The following CNTNAP2 variants were observed in gnomAD, a reference collection of about 807,000 sequenced individuals.
CNTNAP2 encodes contactin associated protein 2, also known as contactin-associated protein-like 2.
In CNTNAP2, 98 loss-of-function variants were observed where a neutral mutation model predicts 155.2. The observed-to-expected ratio is 0.63, with a 90% CI of 0.54 to 0.75. The LOEUF (loss-of-function observed/expected upper bound fraction) is 0.75, where lower values mean the gene tolerates loss of function less well. Ranked by LOEUF, CNTNAP2 falls within the 30% of genes least tolerant of loss-of-function variation. CNTNAP2 has a pLI of 0.00. For synonymous variants in CNTNAP2, 651 were observed against 631.2 expected (o/e 1.03, Z -0.47); for missense variants, 1,727 against 1,688.1 (o/e 1.02, Z -0.40).
intron 1 of CNTNAP2, among the ~76,000 whole-genome samples, chr7:146,163,556 T>A (rs1337359313): frequency 7.6e-6 from 1 of 130,788 alleles, no homozygotes; most frequent in African/African-American, 3.2e-5. Context: ...TATATCTATA[T>A]CTATATCTAT....
chr7:147,401,177 T>A (rs1796906303), intron 10 of CNTNAP2, among the ~76,000 whole-genome samples: 1 of 152,148 alleles, frequency 6.6e-6, no homozygotes, highest in Non-Finnish European at 1.5e-5. Context: ...TGCTCTTTCC[T>A]GTCTAACTCC....
chr7:148,372,332 G>A (rs747854579), intron 21 of CNTNAP2, among the ~76,000 whole-genome samples: 56 of 152,090 alleles, frequency 3.7e-4, no homozygotes, highest in South Asian at 8.3e-4. Flanking sequence ...GAAGGCCTAG[G>A]ACATTATACT....
intron 7 of CNTNAP2, 55 bp downstream of exon 7, chr7:147,128,891 G>T: frequency 6.2e-7 from 1 of 1,607,970 alleles, no homozygotes; most frequent in Non-Finnish European, 8.5e-7. Context: ...TAACATTTTT[G>T]TTTTTTGGAT....
chr7:147,252,847 T>C (rs981668101), intron 8 of CNTNAP2, among the ~76,000 whole-genome samples: 1 of 152,218 alleles, frequency 6.6e-6, no homozygotes, highest in Non-Finnish European at 1.5e-5. Context: ...CCCCATTTTA[T>C]AGATGATAAA....
intron 1 of CNTNAP2, among the ~76,000 whole-genome samples, chr7:146,447,497 T>C (rs1327400642): frequency 6.6e-6 from 1 of 152,070 alleles, no homozygotes; most frequent in Non-Finnish European, 1.5e-5. Flanking sequence ...CCTACATTTT[T>C]ATTAGTTTTA....
intron 1 of CNTNAP2, among the ~76,000 whole-genome samples, chr7:146,618,274 T>C (rs1035314311): frequency 8.5e-5 from 13 of 152,202 alleles, no homozygotes; most frequent in African/African-American, 2.7e-4. Context: ...TTGAATCTCA[T>C]AGTAAAATTA....
chr7:147,103,865 A>AG (rs774664635), intron 4 of CNTNAP2, among the ~76,000 whole-genome samples: 2 of 152,100 alleles, frequency 1.3e-5, no homozygotes, highest in Non-Finnish European at 2.9e-5. Flanking sequence ...AAACTGAGAA[A>AG]GATTCTACAA....
intron 9 of CNTNAP2, among the ~76,000 whole-genome samples, chr7:147,355,786 G>T (rs756496820): frequency 4.6e-5 from 7 of 152,018 alleles, no homozygotes; most frequent in Non-Finnish European, 7.4e-5. Context: ...TGAAATTGAG[G>T]CAGTAATTAA....
chr7:147,993,739 T>C (rs778748414), intron 15 of CNTNAP2, among the ~76,000 whole-genome samples: 5 of 152,202 alleles, frequency 3.3e-5, no homozygotes, highest in Non-Finnish European at 5.9e-5. Flanking sequence ...TATGTTGTTA[T>C]GATAAGAGAA....
chr7:147,528,034 C>A (rs1799357465), intron 11 of CNTNAP2, among the ~76,000 whole-genome samples: 1 of 152,226 alleles, frequency 6.6e-6, no homozygotes, highest in African/African-American at 2.4e-5. Context: ...ACGTTATTCA[C>A]TGACTCCTGT....
chr7:147,072,772 C>G (rs1033055166), intron 4 of CNTNAP2, among the ~76,000 whole-genome samples: 4 of 151,716 alleles, frequency 2.6e-5, no homozygotes, highest in African/African-American at 9.7e-5. Flanking sequence ...GAAAGGATCA[C>G]ACATCTGTTG....
chr7:147,885,122 CT>C (rs1186972446), intron 13 of CNTNAP2, among the ~76,000 whole-genome samples: 1 of 152,174 alleles, frequency 6.6e-6, no homozygotes, highest in Non-Finnish European at 1.5e-5. Flanking sequence ...ACCGCAGTTA[CT>C]TTTGCACTGA....
chr7:147,066,953 A>G (rs1799790476), intron 4 of CNTNAP2, among the ~76,000 whole-genome samples: 1 of 152,132 alleles, frequency 6.6e-6, no homozygotes, highest in Non-Finnish European at 1.5e-5. Flanking sequence ...TCCTTGTTGT[A>G]TCACCATATA....
chr7:147,194,653 A>G (rs560582386), intron 8 of CNTNAP2, among the ~76,000 whole-genome samples: 1 of 152,184 alleles, frequency 6.6e-6, no homozygotes, highest in African/African-American at 2.4e-5. Context: ...TGTGGTTTTG[A>G]CTTGCATTTC....
intron 1 of CNTNAP2, among the ~76,000 whole-genome samples, chr7:146,731,900 G>T (rs534724705): frequency 3.3e-4 from 50 of 151,878 alleles, no homozygotes; most frequent in African/African-American, 1.2e-3. Context: ...TTTGTCAATA[G>T]TTATTTGATA....
At chr7:147,839,741 G>T (rs1036855605) in intron 13 of CNTNAP2, among the ~76,000 whole-genome samples, 2 of 152,016 alleles carry the variant, frequency 1.3e-5, no homozygotes, top group South Asian at 2.1e-4. Flanking sequence ...ACTACTGGGC[G>T]TCTACTCAGA....
At chr7:146,713,078 A>G (rs1801126954) in intron 1 of CNTNAP2, among the ~76,000 whole-genome samples, 1 of 152,120 alleles carries the variant, frequency 6.6e-6, no homozygotes, top group South Asian at 2.1e-4. Context: ...ACTAAAACTT[A>G]TAAGAAATCT....
chr7:148,164,517 T>C (rs1805611839), intron 17 of CNTNAP2, among the ~76,000 whole-genome samples: 1 of 151,754 alleles, frequency 6.6e-6, no homozygotes, highest in African/African-American at 2.4e-5. Flanking sequence ...AAGACCTCTA[T>C]GCTAATTCAC....
chr7:147,901,953 G>T (rs971803706), intron 13 of CNTNAP2, among the ~76,000 whole-genome samples: 2 of 152,140 alleles, frequency 1.3e-5, no homozygotes, highest in Non-Finnish European at 2.9e-5. Context: ...AACTCTTCTA[G>T]ACCTAAATTT....
Sources: gnomAD v4.1 joint callset for allele counts (sites outside exome capture counted in the v4.1 genomes callset) on GRCh38, gnomAD v4.1.1 for gene constraint, MANE v1.5 for transcripts, NCBI Gene and HGNC (gene_info 2026-07-23, HGNC 2026-07-21) for gene names.